MICAL2: variants seen among roughly 807,000 people sequenced by gnomAD.
The protein encoded by MICAL2 is [F-actin]-monooxygenase MICAL2.
MICAL2 carries 77 observed loss-of-function variants against 127.3 expected under a neutral mutation model. The ratio of observed to expected loss-of-function variants is 0.60; its 90% confidence interval spans 0.50 to 0.73. The LOEUF (loss-of-function observed/expected upper bound fraction) is 0.73. Ranked by LOEUF, MICAL2 falls within the 30% of genes least tolerant of loss-of-function variation. MICAL2 has a pLI of 0.00. For missense variants in MICAL2, 1,351 were observed against 1,434.4 expected (o/e 0.94, Z 0.94); for synonymous variants, 570 against 551.1 (o/e 1.03, Z -0.48).
At chr11:12,356,219 T>C (rs7129480) in intron 34 of MICAL2, among the ~76,000 whole-genome samples, 132,828 of 152,220 alleles carry the variant, frequency 0.87, 58,160 homozygotes, top group East Asian at 0.94. Flanking sequence ...GTAGTTTCTT[T>C]ATTCTGTCTG....
chr11:12,131,511 C>T (rs1851418196), intron 1 of MICAL2, among the ~76,000 whole-genome samples: 1 of 152,160 alleles, frequency 6.6e-6, no homozygotes, highest in Non-Finnish European at 1.5e-5. Flanking sequence ...CACCCTCATC[C>T]CCCAAGTCTG....
At chr11:12,328,968 G>T (rs548325649) in intron 32 of MICAL2, among the ~76,000 whole-genome samples, 95 of 33,062 alleles carry the variant, frequency 2.9e-3, no homozygotes, top group African/African-American at 8.6e-3. Context: ...GGTTAATTTA[G>T]CAACTAGATT....
At chr11:12,352,375 C>T (rs1432663665) in intron 33 of MICAL2, among the ~76,000 whole-genome samples, 2 of 152,182 alleles carry the variant, frequency 1.3e-5, no homozygotes, top group South Asian at 2.1e-4. Flanking sequence ...CACATAGGCA[C>T]GTGCATAGCA....
chr11:12,285,185 G>T (rs896070949), intron 2 of MICAL2, among the ~76,000 whole-genome samples: 2 of 152,020 alleles, frequency 1.3e-5, no homozygotes, highest in Non-Finnish European at 2.9e-5. Context: ...GTTCCTGAGT[G>T]GGGGCTAAAA....
chr11:12,291,697 C>T (rs993233509), downstream of MICAL2, among the ~76,000 whole-genome samples: 4 of 152,222 alleles, frequency 2.6e-5, no homozygotes, highest in Non-Finnish European at 4.4e-5. Context: ...TCTCATTAGT[C>T]GTGGATGTCT....
chr11:12,193,857 G>A (rs1859529083), intron 3 of MICAL2, among the ~76,000 whole-genome samples: 1 of 152,232 alleles, frequency 6.6e-6, no homozygotes, highest in African/African-American at 2.4e-5. Flanking sequence ...TGAATGAACT[G>A]ATACATGTGA....
intron 17 of MICAL2, among the ~76,000 whole-genome samples, chr11:12,240,095 G>A (rs1479548787): frequency 6.6e-6 from 1 of 152,236 alleles, no homozygotes; most frequent in Non-Finnish European, 1.5e-5. Context: ...GAGGAACTGA[G>A]TCTGAGCTCA....
chr11:12,278,394 T>C (rs4757328), intron 1 of MICAL2, among the ~76,000 whole-genome samples: 77,364 of 152,042 alleles, frequency 0.51, 21,424 homozygotes, highest in East Asian at 0.78. Flanking sequence ...CCAGCATCAC[T>C]GCAAACACGT....
At chr11:12,145,840 G>A (rs772449156) in intron 2 of MICAL2, among the ~76,000 whole-genome samples, 2 of 152,194 alleles carry the variant, frequency 1.3e-5, no homozygotes, top group East Asian at 3.8e-4. Context: ...AATGAAAGGT[G>A]TGCACAAGCA....
chr11:12,262,212 A>G (rs1863219696), intron 26 of MICAL2: 7 of 1,346,200 alleles, frequency 5.2e-6, no homozygotes, highest in South Asian at 3.2e-5. Flanking sequence ...GGGAGACGCT[A>G]GAGTAAAATG....
chr11:12,142,472 CTTG>C (rs1852446778), intron 2 of MICAL2, among the ~76,000 whole-genome samples: 1 of 152,168 alleles, frequency 6.6e-6, no homozygotes, highest in African/African-American at 2.4e-5. Context: ...CTAAGCAGGC[CTTG>C]TTGTGAGAAC....
At chr11:12,264,546 G>GGCTGGGCGTA (rs147016949), downstream of MICAL2, among the ~76,000 whole-genome samples, 40 of 152,094 alleles carry the variant, frequency 2.6e-4, no homozygotes, top group Non-Finnish European at 5.0e-4. Context: ...GCCATTTCCT[G>GGCTGGGCGTA]GCTGGGCGTA....
intron 30 of MICAL2, among the ~76,000 whole-genome samples, chr11:12,320,342 A>G (rs1334487008): frequency 6.6e-6 from 1 of 152,222 alleles, no homozygotes; most frequent in Non-Finnish European, 1.5e-5. Flanking sequence ...CTCAATGAAC[A>G]TTAATGTTTT....
rs188976722 is a variant in MICAL2 at position 12,114,693 on chromosome 11, C to T, written c.-149+3967C>T. ...TGCTTTGAATTGATGAACCCAGTCACGGATTTGTGTGACTACCAGTGCATG... is the reference window on the plus strand; with the variant it reads ...TGCTTTGAATTGATGAACCCAGTCATGGATTTGTGTGACTACCAGTGCATG... On this transcript the variant is annotated intron_variant, in intron 1 of 27. Transcript: ENST00000683283. 1.3e-3 allele frequency among the ~76,000 whole-genome samples: 198 copies of T among 152,262 alleles called. 1 individual carries two copies. The highest frequency in any genetic ancestry group is 4.2e-3 in the African/African-American group (173 of 41,546).
intron 32 of MICAL2, among the ~76,000 whole-genome samples, chr11:12,335,811 G>A (rs1466817894): frequency 6.6e-6 from 1 of 152,052 alleles, no homozygotes; most frequent in East Asian, 1.9e-4. Context: ...CCATTGGTCT[G>A]TGTATCTGTT....
At position 12,160,905 on chromosome 11, in the gene MICAL2, T is replaced by G. The variant is rs544293687; in HGVS notation, c.-77-1174T>G. 4.6e-4 allele frequency among the ~76,000 whole-genome samples: 70 copies of G among 152,362 alleles called. No individual in the cohort carries two copies. In the South Asian group the frequency reaches 6.4e-3, roughly 14 times the overall value. ...TTAAGGAGGAAGATAAACACCATTCTCTGCTTTTAGTATTATAAAACCGTC... is the reference window on the plus strand; with the variant it reads ...TTAAGGAGGAAGATAAACACCATTCGCTGCTTTTAGTATTATAAAACCGTC... On this transcript the variant is annotated intron_variant, in intron 2 of 27. Coordinates refer to ENST00000683283, the MANE Select transcript of MICAL2 (RefSeq NM_001282663.2).
intron 6 of MICAL2, among the ~76,000 whole-genome samples, chr11:12,211,271 C>T (rs1855424055): frequency 6.6e-6 from 1 of 152,160 alleles, no homozygotes; most frequent in Admixed American, 6.5e-5. Context: ...GTCCCAGCTA[C>T]TCGGGAGGCT....
At chr11:12,159,527 T>C (rs915354221) in intron 2 of MICAL2, among the ~76,000 whole-genome samples, 1 of 152,196 alleles carries the variant, frequency 6.6e-6, no homozygotes, top group African/African-American at 2.4e-5. Context: ...ATAATTTGTC[T>C]GTTACAGTAA....
chr11:12,226,123 C>G (rs1247467234), intron 13 of MICAL2, 48 bp from the exon 14 acceptor site: 1 of 1,594,934 alleles, frequency 6.3e-7, no homozygotes, highest in Non-Finnish European at 8.6e-7. Flanking sequence ...GCTCGCCACA[C>G]CTCTGCCTCC....
Sources: allele counts gnomAD v4.1 joint callset (sites outside exome capture counted in the v4.1 genomes callset), GRCh38; gene constraint gnomAD v4.1.1; transcripts MANE v1.5; gene names NCBI Gene and HGNC (gene_info 2026-07-23, HGNC 2026-07-21).